METAP2: variants seen among roughly 807,000 people sequenced by gnomAD.
METAP2 encodes the protein methionine aminopeptidase 2.
METAP2 carries 25 observed loss-of-function variants against 59.4 expected under a neutral mutation model. The ratio of observed to expected loss-of-function variants is 0.42; its 90% CI spans 0.31 to 0.59. The LOEUF is 0.59. Among genes scored for constraint, METAP2 ranks in the 20% least tolerant of loss-of-function variants. METAP2 has a pLI of 0.16. For synonymous variants in METAP2, 214 were observed against 194.1 expected, an observed-to-expected ratio of 1.10 and a Z score of -0.85; for missense variants, 366 against 581.2, an observed-to-expected ratio of 0.63 and a Z score of 3.81.
chr12:95,510,575 C>G (rs2076395074), intron 8 of METAP2, among the ~76,000 whole-genome samples: 1 of 152,130 alleles, frequency 6.6e-6, no homozygotes, highest in Non-Finnish European at 1.5e-5. Context: ...CCTGTTAGGT[C>G]CCACCTCCCA....
intron 6 of METAP2, 95 bp from the exon 7 acceptor site, chr12:95,495,909 T>C (rs2076272695): frequency 1.3e-6 from 1 of 743,152 alleles, no homozygotes; most frequent in South Asian, 1.9e-5. Flanking sequence ...ATTCTATTTT[T>C]CTGTTAAACT....
chr12:95,514,019 T>G lies in METAP2; in HGVS notation c.*115T>G. 1 of 1,179,702 alleles carries G rather than the reference T, an allele frequency of 8.5e-7. No individual in the cohort carries two copies. Among genetic ancestry groups the G allele is most frequent in the Non-Finnish European group, 1.2e-6 (1 of 867,580 alleles). 73.1% of individuals were successfully genotyped at this position (1,179,702 alleles called of 1,614,324 possible). ...TTAACAGTGGACCCATGTAATACTT[T>G]TATCCATGTTTAAAAAAGAAGGAAT... On this transcript the variant is annotated 3_prime_UTR_variant, in exon 11 of 11. Coordinates refer to ENST00000323666, the MANE Select transcript of METAP2 (RefSeq NM_006838.4).
At position 95,494,158 on chromosome 12, in the gene METAP2, A is replaced by G. The variant is rs750947100; in HGVS notation, c.531A>G (p.Arg177=). The change falls in exon 5 of 11, where the codon CGA becomes CGG. Residue 177 remains arginine, a synonymous_variant. Transcript: ENST00000323666. ...TTCGAGAAGCTGCAGAAGCACATCG[A>G]CAAGTTAGAAAATACGTAATGAGCT... ...NDFREAAEAH[R]QVRKYVMSWI... is the part of the protein sequence containing the mutation. 4.3e-6 allele frequency: 7 copies of G among 1,614,094 alleles called. No homozygotes were observed. Among genetic ancestry groups the G allele is most frequent in the Non-Finnish European group, 5.9e-6 (7 of 1,179,988 alleles).
chr12:95,476,231 G>A (rs2076117485), intron 2 of METAP2, 53 bp downstream of exon 2: 1 of 1,233,986 alleles, frequency 8.1e-7, no homozygotes, highest in Non-Finnish European at 1.2e-6. Context: ...ATGTAGCCGG[G>A]TGTGGTGGCA....
Position 95,514,594 on chromosome 12 carries a change from T to C in METAP2, c.*690T>C, listed in dbSNP as rs200458561. 3 of 152,324 alleles carry C rather than the reference T, an allele frequency of 2.0e-5. No homozygotes were observed. In the South Asian group the frequency reaches 6.2e-4, roughly 32 times the overall value. The allele number at this position is 152,324 out of a possible 1,614,324, so 9.4% of individuals were successfully genotyped here. A position where few individuals can be genotyped will look rare whatever the true frequency, so the allele number is the denominator to read the frequency against. Reference sequence around the variant, plus strand: ...GTCCTTGTCTTTTTTTCTCCTGACATTGGAAAGATGTGCTAATTGAAACTT... The same window carrying C: ...GTCCTTGTCTTTTTTTCTCCTGACACTGGAAAGATGTGCTAATTGAAACTT... On this transcript the variant is annotated 3_prime_UTR_variant, in exon 11 of 11. Transcript: ENST00000323666.
intron 3 of METAP2, among the ~76,000 whole-genome samples, chr12:95,484,631 A>G (rs1332393089): frequency 6.6e-6 from 1 of 152,242 alleles, no homozygotes. Context: ...TGTTTTAAGT[A>G]TGATGCCATT....
chr12:95,509,193 G>A lies in METAP2; in HGVS notation c.965-2702G>A, dbSNP rs11108080. Among the ~76,000 whole-genome samples, 434 of 152,272 alleles carry A rather than the reference G, an allele frequency of 2.9e-3. 2 individuals are homozygous for A. Among genetic ancestry groups the A allele is most frequent in the African/African-American group, 9.9e-3 (413 of 41,560 alleles). ...TCTGTGTAACTAACATATTAGGTTG[G>A]TATGGCTAAGAAACTTTCTTTAAAA... is the stretch of plus-strand genomic sequence containing the variant. On this transcript the variant is annotated intron_variant, in intron 8 of 10. Coordinates refer to ENST00000323666, the MANE Select transcript of METAP2 (RefSeq NM_006838.4).
chr12:95,479,203 C>T (rs538151351), intron 2 of METAP2, among the ~76,000 whole-genome samples: 227 of 152,242 alleles, frequency 1.5e-3, no homozygotes, highest in African/African-American at 5.1e-3. Flanking sequence ...AGAAATAGCC[C>T]AGGCATATGG....
At chr12:95,484,154 C>T (rs1200147692) in intron 3 of METAP2, among the ~76,000 whole-genome samples, 1 of 151,864 alleles carries the variant, frequency 6.6e-6, no homozygotes, top group African/African-American at 2.4e-5. Context: ...TCTGGTTATG[C>T]CTTCCTTTAA....
chr12:95,507,112 A>T (rs1420723388), intron 8 of METAP2, among the ~76,000 whole-genome samples: 2 of 152,184 alleles, frequency 1.3e-5, no homozygotes, highest in African/African-American at 2.4e-5. Flanking sequence ...GAGGTGTGGG[A>T]TAATGAAGAA....
chr12:95,512,581 A>T (rs2076411261), intron 9 of METAP2, among the ~76,000 whole-genome samples: 1 of 152,106 alleles, frequency 6.6e-6, no homozygotes, highest in South Asian at 2.1e-4. Flanking sequence ...GCATGGTGGC[A>T]CGTGCCTGTA....
intron 8 of METAP2, among the ~76,000 whole-genome samples, chr12:95,504,990 C>G (rs1242495413): frequency 2.0e-5 from 3 of 152,208 alleles, no homozygotes. Flanking sequence ...GCTCCCAGGT[C>G]TGTCTGACCA....
chr12:95,513,520 G>T (rs536101427), intron 10 of METAP2, 132 bp from the exon 11 acceptor site: 11 of 1,000,832 alleles, frequency 1.1e-5, no homozygotes, highest in South Asian at 8.2e-5. Context: ...GCTTTTGATT[G>T]TTGAAAGAGC....
intron 3 of METAP2, among the ~76,000 whole-genome samples, chr12:95,484,166 AT>A (rs1007960123): frequency 2.0e-5 from 3 of 151,934 alleles, no homozygotes; most frequent in African/African-American, 4.8e-5. Flanking sequence ...TTCCTTTAAA[AT>A]TTTTCAGGCT....
At chr12:95,512,957 T>A (rs771151741) in intron 10 of METAP2, 41 bp downstream of exon 10, 2 of 1,174,518 alleles carry the variant, frequency 1.7e-6, no homozygotes, top group Non-Finnish European at 2.5e-6. Context: ...CTAATTAGCA[T>A]CTCTTCTGAG....
intron 8 of METAP2, among the ~76,000 whole-genome samples, chr12:95,507,311 C>T (rs1393079727): frequency 6.6e-6 from 1 of 152,218 alleles, no homozygotes; most frequent in African/African-American, 2.4e-5. Context: ...CCTTCTCACC[C>T]CAATTCTGGG....
chr12:95,512,946 G>C, intron 10 of METAP2, 30 bp downstream of exon 10: 1 of 1,281,440 alleles, frequency 7.8e-7, no homozygotes, highest in African/African-American at 1.5e-5. Context: ...ATTTTATGTG[G>C]CTAATTAGCA....
chr12:95,488,188 A>T (rs780235775), intron 4 of METAP2, among the ~76,000 whole-genome samples: 3 of 151,946 alleles, frequency 2.0e-5, no homozygotes, highest in Non-Finnish European at 2.9e-5. Flanking sequence ...TAAATGCATT[A>T]TGTGTCCATG....
chr12:95,505,204 C>T (rs2076348825), intron 8 of METAP2, among the ~76,000 whole-genome samples: 1 of 152,126 alleles, frequency 6.6e-6, no homozygotes, highest in African/African-American at 2.4e-5. Context: ...TCCTGTTGCC[C>T]ATTATGTGTT....
Sources: allele counts gnomAD v4.1 joint callset (sites outside exome capture counted in the v4.1 genomes callset), GRCh38; gene constraint gnomAD v4.1.1; transcripts MANE v1.5; gene names NCBI Gene and HGNC (gene_info 2026-07-23, HGNC 2026-07-21).